UGT1A4: variants seen among roughly 807,000 people sequenced by gnomAD.
UGT1A4 encodes the protein UDP-glucuronosyltransferase 1A4.
Under a neutral mutation model 41.1 loss-of-function variants are expected in UGT1A4, and 32 were observed. That is an observed-to-expected ratio of 0.78 (90% CI 0.59 to 1.05). UGT1A4 has a LOEUF of 1.05. Ranked by LOEUF, UGT1A4 falls within the 50% of genes least tolerant of loss-of-function variation. The pLI is 0.00. For missense variants in UGT1A4, 748 were observed against 677.4 expected, an observed-to-expected ratio of 1.10 and a Z score of -1.16; for synonymous variants, 283 against 265.1, an observed-to-expected ratio of 1.07 and a Z score of -0.66.
intron 1 of UGT1A4, among the ~76,000 whole-genome samples, chr2:233,735,346 T>C (rs559111340): frequency 6.6e-6 from 1 of 152,212 alleles, no homozygotes; most frequent in Non-Finnish European, 1.5e-5. Flanking sequence ...GCTTTTTTTT[T>C]GCTTTCCATT....
Position 233,767,883 on chromosome 2 carries a change from A to G in UGT1A4, c.1034A>G (p.Asn345Ser), listed in dbSNP as rs1336725166. 1.2e-6 allele frequency: 2 copies of G among 1,614,150 alleles called. No homozygotes were observed. The highest frequency in any genetic ancestry group is 2.2e-5 in the South Asian group (2 of 91,074). Residue 345 changes from asparagine to serine, a missense_variant, in exon 3 of 5, where the codon AAT (asparagine) becomes AGT (serine). Coordinates refer to ENST00000373409, the MANE Select transcript of UGT1A4 (RefSeq NM_007120.3). ...LWRYTGTRPSNLANNTILVKW... is the reference protein window; with the variant it reads ...LWRYTGTRPSSLANNTILVKW... The stretch of plus-strand genomic sequence containing the variant: ...CGGTACACTGGAACCCGACCATCGA[A>G]TCTTGCGAACAACACGATACTTGTT...
intron 4 of UGT1A4, chr2:233,770,022 T>G (rs12474441): frequency 0.019 from 3,075 of 161,660 alleles, 63 homozygotes; most frequent in Admixed American, 0.065. Context: ...CTTCTTTCCC[T>G]GCACTGTTGA....
chr2:233,769,864 A>C lies in UGT1A4; in HGVS notation c.1307+1425A>C, dbSNP rs2126048970. On this transcript the variant is annotated intron_variant, in intron 4 of 4. Transcript: ENST00000373409. The surrounding 1 kb of genome is among the most constrained non-coding windows in gnomAD (Gnocchi z 4.4). ...CAGAGTGAGACCCTGTCTCAAAAAA[A>C]AAAAAAAAAATGAAAAGTCCACATA... 6.3e-6 allele frequency: 3 copies of C among 472,760 alleles called. No homozygotes were observed. The highest frequency in any genetic ancestry group is 3.9e-5 in the South Asian group (1 of 25,612). The allele number at this position is 472,760 out of a possible 1,614,324, so 29.3% of individuals were successfully genotyped here. A position where few individuals can be genotyped will look rare whatever the true frequency, so the allele number is the denominator to read the frequency against.
In UGT1A4 at chr2:233,767,858, C is replaced by T. The variant is rs139607673; in HGVS notation, c.1009C>T (p.Arg337Trp). 6.2e-6 allele frequency: 10 copies of T among 1,614,002 alleles called. No homozygotes were observed. Among genetic ancestry groups the T allele is most frequent in the Admixed American group, 3.3e-5 (2 of 59,992 alleles). ...TTTTTGCCCCTCCCAGGTCCTGTGG[C>T]GGTACACTGGAACCCGACCATCGAA... ...LGKIPQTVLWRYTGTRPSNLA... is the reference protein window; with the variant it reads ...LGKIPQTVLWWYTGTRPSNLA... The change falls in exon 3 of 5, where the codon CGG (arginine) becomes TGG (tryptophan). Residue 337 changes from arginine to tryptophan, a missense_variant. Transcript: ENST00000373409.
In UGT1A4 at chr2:233,760,701, C is replaced by G. The variant is rs768185321; in HGVS notation, c.868-6333C>G. 6.8e-6 allele frequency: 11 copies of G among 1,614,172 alleles called. No individual in the cohort carries two copies. In the Admixed American group the frequency reaches 1.8e-4, roughly 27 times the overall value. ...TACTGCACAACAAGGAGCTCATGGCCTCCCTGGCAGAAAGCAGCTTTGATG... is the reference window on the plus strand; with the variant it reads ...TACTGCACAACAAGGAGCTCATGGCGTCCCTGGCAGAAAGCAGCTTTGATG... On this transcript the variant is annotated intron_variant, in intron 1 of 4. Transcript: ENST00000373409.
chr2:233,760,441 C>T (rs2125984132), intron 1 of UGT1A4: 2 of 1,614,208 alleles, frequency 1.2e-6, no homozygotes, highest in Non-Finnish European at 1.7e-6. Flanking sequence ...GCAGCTGCAG[C>T]AGAGGGGACA....
intron 1 of UGT1A4, chr2:233,747,693 C>T: frequency 6.2e-7 from 1 of 1,611,232 alleles, no homozygotes; most frequent in South Asian, 1.1e-5. Flanking sequence ...TGGGGCAGTG[C>T]TGGCTAAGTA....
At chr2:233,720,428 A>C (rs1040145834) in intron 1 of UGT1A4, among the ~76,000 whole-genome samples, 1 of 152,036 alleles carries the variant, frequency 6.6e-6, no homozygotes, top group Non-Finnish European at 1.5e-5. Context: ...AGGAGATAAG[A>C]CCGTGAATCT....
intron 1 of UGT1A4, chr2:233,753,459 T>G (rs1411436879): frequency 6.6e-6 from 1 of 152,232 alleles, no homozygotes; most frequent in Non-Finnish European, 1.5e-5. Context: ...CCATGATTTT[T>G]CTGTAAAAAA....
At chr2:233,765,342 T>G (rs1698805328) in intron 1 of UGT1A4, among the ~76,000 whole-genome samples, 1 of 152,198 alleles carries the variant, frequency 6.6e-6, no homozygotes. Flanking sequence ...AATAACAAAG[T>G]CATGGAACCA....
intron 1 of UGT1A4, among the ~76,000 whole-genome samples, chr2:233,757,535 A>AATATATATACATATATATATATATAT (rs376887521): frequency 5.7e-5 from 5 of 88,270 alleles, no homozygotes; most frequent in Admixed American, 1.1e-4. Flanking sequence ...GCCTGTAAGG[A>AATATATATACATATATATATATATAT]ATATATATAT....
chr2:233,718,913 G>T lies in UGT1A4; in HGVS notation c.93G>T (p.Val31=), dbSNP rs2076699236. 6.2e-7 allele frequency: 1 copy of T among 1,613,958 alleles called. No individual in the cohort carries two copies. The highest frequency in any genetic ancestry group is 1.3e-5 in the African/African-American group (1 of 74,944). The part of the protein sequence containing the change: ...SVQPWAESGK[V]LVVPTDGSPW... ...AGCCCTGGGCTGAGAGTGGAAAGGT[G>T]TTGGTGGTGCCCACTGATGGCAGCC... The change falls in exon 1 of 5, where the codon GTG becomes GTT. Residue 31 remains valine (V), a synonymous_variant. Transcript: ENST00000373409.
rs1473563320 is a variant in UGT1A4, at chr2:233,718,922, GC to G, written c.105del (p.Thr36LeufsTer30). 6.2e-7 allele frequency: 1 copy of G among 1,614,124 alleles called. No individual in the cohort carries two copies. The highest frequency in any genetic ancestry group is 2.2e-5 in the East Asian group (1 of 44,876). ...WAESGKVLVV[P>X]TDGSPWLSMR... Reference sequence around the variant, plus strand: ...CTGAGAGTGGAAAGGTGTTGGTGGTGCCCACTGATGGCAGCCCCTGGCTCAG... The same window carrying G: ...CTGAGAGTGGAAAGGTGTTGGTGGTGCCACTGATGGCAGCCCCTGGCTCAG... On this transcript the variant is annotated frameshift_variant, in exon 1 of 5. Transcript: ENST00000373409. LOFTEE classifies it high-confidence loss of function.
rs939298630 is a variant in UGT1A4, at chr2:233,760,212, G to A, written c.868-6822G>A. ...ACGTGACACAGTCAAACATTAACTT[G>A]GTGTATCGATTGGTTTTTGCCATAT... On this transcript the variant is annotated intron_variant, in intron 1 of 4. Coordinates refer to ENST00000373409, the MANE Select transcript of UGT1A4 (RefSeq NM_007120.3). 1.9e-5 allele frequency: 30 copies of A among 1,591,462 alleles called. No homozygotes were observed. The Admixed American group carries it at 4.7e-4, about 25-fold the overall frequency.
chr2:233,759,311 G>A (rs1276961284), intron 1 of UGT1A4, among the ~76,000 whole-genome samples: 2 of 152,170 alleles, frequency 1.3e-5, no homozygotes, highest in African/African-American at 2.4e-5. Context: ...TGGCTGAGGT[G>A]GGTGAGCTTT....
intron 1 of UGT1A4, among the ~76,000 whole-genome samples, chr2:233,728,438 T>G (rs767201537): frequency 1.4e-4 from 22 of 152,276 alleles, no homozygotes; most frequent in Non-Finnish European, 2.1e-4. Context: ...CCATGGTGTA[T>G]ATGGAGAATC....
At chr2:233,743,967 C>T in intron 1 of UGT1A4, 2 of 1,326,686 alleles carry the variant, frequency 1.5e-6, no homozygotes, top group Non-Finnish European at 2.0e-6. Flanking sequence ...AGCGGCAAGG[C>T]TGCCAGCACC....
chr2:233,757,560 A>ATATATATATATATATATG (rs904896556), intron 1 of UGT1A4, among the ~76,000 whole-genome samples: 7 of 123,144 alleles, frequency 5.7e-5, no homozygotes, highest in African/African-American at 1.7e-4. Context: ...ATATATATAT[A>ATATATATATATATATATG]TGTATATATG....
At position 233,767,018 on chromosome 2, in the gene UGT1A4, T is replaced by G. The variant is rs1699309557; in HGVS notation, c.868-16T>G. ...TATGAGAAAAAATTAACTGAAAATT[T>G]TTCTTCTGGCTCTAGGAATTTGAAG... On this transcript the variant is annotated splice_polypyrimidine_tract_variant and intron_variant, in intron 1 of 4. Coordinates refer to ENST00000373409, the MANE Select transcript of UGT1A4 (RefSeq NM_007120.3). 1 of 1,613,912 alleles carries G rather than the reference T, an allele frequency of 6.2e-7. No individual in the cohort carries two copies. Among genetic ancestry groups the G allele is most frequent in the East Asian group, 2.2e-5 (1 of 44,862 alleles).
Sources: gnomAD v4.1 joint callset for allele counts (sites outside exome capture counted in the v4.1 genomes callset) on GRCh38, gnomAD v4.1.1 for gene constraint, Gnocchi (gnomAD v3.1) non-coding constraint, MANE v1.5 for transcripts, NCBI Gene and HGNC (gene_info 2026-07-23, HGNC 2026-07-21) for gene names.